STIM1: variants seen among roughly 807,000 people sequenced by gnomAD.
The protein encoded by STIM1 is stromal interaction molecule 1.
A neutral mutation model predicts 74.7 loss-of-function variants in STIM1; 25 were observed. The observed-to-expected ratio is 0.33, with a 90% CI of 0.24 to 0.47. The LOEUF (loss-of-function observed/expected upper bound fraction) is 0.47. Ranked by LOEUF, STIM1 falls within the 20% of genes least tolerant of loss-of-function variation. The probability of loss-of-function intolerance (pLI) is 1.00; values close to 1 mark genes in which losing one functional copy is unlikely to be tolerated. For missense variants in STIM1, 728 were observed against 920.8 expected, an observed-to-expected ratio of 0.79 and a Z score of 2.71; for synonymous variants, 328 against 348.8, an observed-to-expected ratio of 0.94 and a Z score of 0.66.
At chr11:3,938,021 C>T (rs1206013686) in intron 1 of STIM1, among the ~76,000 whole-genome samples, 1 of 151,866 alleles carries the variant, frequency 6.6e-6, no homozygotes, top group East Asian at 1.9e-4. Context: ...GCAACCTCCG[C>T]CTCCTGGGTT....
intron 2 of STIM1, among the ~76,000 whole-genome samples, chr11:4,013,896 A>G (rs960274824): frequency 2.0e-5 from 3 of 150,764 alleles, no homozygotes; most frequent in East Asian, 1.9e-4. Context: ...TTTAGTAGAG[A>G]CAGGGTTTCA....
intron 1 of STIM1, among the ~76,000 whole-genome samples, chr11:3,863,999 C>T (rs972194197): frequency 3.3e-5 from 5 of 151,966 alleles, no homozygotes; most frequent in South Asian, 2.1e-4. Context: ...ATGCATCCCC[C>T]GAGAATAAAG....
At chr11:3,880,576 G>T (rs1485604772) in intron 1 of STIM1, among the ~76,000 whole-genome samples, 4 of 152,216 alleles carry the variant, frequency 2.6e-5, no homozygotes, top group Non-Finnish European at 5.9e-5. Flanking sequence ...AGTTGTTATT[G>T]AGAGATTTTA....
At position 3,951,229 on chromosome 11, in the gene STIM1, G is replaced by A. The variant is rs555724320; in HGVS notation, c.140-16323G>A. On this transcript the variant is annotated intron_variant, in intron 1 of 12. Transcript: ENST00000526596. ...CTGAGAAAGGCATCCTGTAAGGAAG[G>A]GCTGCTCTTCAGCTGCAGGAAGAGA... Among the ~76,000 whole-genome samples the A allele has an allele frequency of 6.8e-4, 104 of 152,254 alleles. 1 individual carries two copies. The highest frequency in any genetic ancestry group is 1.2e-3 in the Non-Finnish European group (79 of 68,008).
intron 12 of STIM1, among the ~76,000 whole-genome samples, chr11:4,089,870 C>T (rs1020753115): frequency 2.4e-4 from 37 of 152,160 alleles, no homozygotes; most frequent in African/African-American, 8.9e-4. Context: ...TTAGGTCTCT[C>T]CTCTGCTTTT....
chr11:3,928,842 T>C (rs1022584730), intron 1 of STIM1, among the ~76,000 whole-genome samples: 1 of 152,102 alleles, frequency 6.6e-6, no homozygotes, highest in African/African-American at 2.4e-5. Context: ...ACCTAACAAC[T>C]TTATGATTCT....
intron 1 of STIM1, among the ~76,000 whole-genome samples, chr11:3,941,431 A>G (rs2093003230): frequency 6.6e-6 from 1 of 152,158 alleles, no homozygotes; most frequent in Non-Finnish European, 1.5e-5. Context: ...ATCACCTAAC[A>G]GTACAAAACA....
chr11:3,966,573 G>C (rs1370385483), intron 1 of STIM1, among the ~76,000 whole-genome samples: 2 of 152,216 alleles, frequency 1.3e-5, no homozygotes, highest in Admixed American at 1.3e-4. Flanking sequence ...GTCATCTGAA[G>C]AGTATTTTGC....
At position 3,856,191 on chromosome 11, in the gene STIM1, C is replaced by G; in HGVS notation, c.-80C>G. The G allele has an allele frequency of 2.5e-6, 4 of 1,591,276 alleles. No homozygotes were observed. Among genetic ancestry groups the G allele is most frequent in the Non-Finnish European group, 3.4e-6 (4 of 1,163,294 alleles). On this transcript the variant is annotated 5_prime_UTR_variant, in exon 1 of 13. Coordinates refer to ENST00000526596, the MANE Select transcript of STIM1 (RefSeq NM_001382567.1). Reference sequence around the variant, plus strand: ...GGGCATCTTGCCTGGAGACCGTCGGCTGCACTCCCGGGCTCCTGGCTTTGC... The same window carrying G: ...GGGCATCTTGCCTGGAGACCGTCGGGTGCACTCCCGGGCTCCTGGCTTTGC...
chr11:3,891,899 T>C (rs913196819), intron 1 of STIM1, among the ~76,000 whole-genome samples: 1 of 152,338 alleles, frequency 6.6e-6, no homozygotes, highest in Non-Finnish European at 1.5e-5. Context: ...AAAACAGCCA[T>C]AGATAATATT....
intron 1 of STIM1, among the ~76,000 whole-genome samples, chr11:3,887,466 CAG>C (rs1337723593): frequency 6.6e-6 from 1 of 152,198 alleles, no homozygotes; most frequent in African/African-American, 2.4e-5. Context: ...ATGTAATAGA[CAG>C]AGATGGATTT....
In STIM1 at chr11:4,083,385, T is replaced by A; in HGVS notation, c.1361T>A (p.Leu454His). Residue 454 changes from leucine (L) to histidine (H), a missense_variant, in exon 10 of 13, where the codon CTC becomes CAC. By Grantham distance (99) the Leu-to-His change is moderately conservative. Around this residue, in one of 5 missense-constraint regions of STIM1, gnomAD observed 352 missense variants for 370.1 expected, o/e 0.95. Coordinates refer to ENST00000526596, the MANE Select transcript of STIM1 (RefSeq NM_001382567.1). The stretch of plus-strand genomic sequence containing the variant: ...GGCATCCACTCACTGGTGGCTGCCC[T>A]CAACATAGACCCCAGCTGGATGGGC... ...NPGIHSLVAA[L>H]NIDPSWMGST... The A allele has an allele frequency of 6.2e-7, 1 of 1,614,210 alleles. No homozygotes were observed.
intron 1 of STIM1, among the ~76,000 whole-genome samples, chr11:3,905,861 G>A (rs921110526): frequency 2.0e-5 from 3 of 152,196 alleles, no homozygotes; most frequent in African/African-American, 7.2e-5. Context: ...CCTTGCAGGG[G>A]GCAGGGTGGG....
intron 2 of STIM1, among the ~76,000 whole-genome samples, chr11:3,978,425 G>C (rs1342710574): frequency 6.6e-6 from 1 of 150,662 alleles, no homozygotes; most frequent in Non-Finnish European, 1.5e-5. Flanking sequence ...TGGGATTACA[G>C]GTGTGAGCCA....
In STIM1 at chr11:4,055,640, C is replaced by G; in HGVS notation, c.497+3C>G. 1 of 1,574,180 alleles carries G rather than the reference C, an allele frequency of 6.4e-7. No homozygotes were observed. Among genetic ancestry groups the G allele is most frequent in the Non-Finnish European group, 8.6e-7 (1 of 1,159,514 alleles). ...CTCAGTGGCCATGCCATGCCAAGGT[C>G]AGGAGGGGACTGGGTTTTTCTCTGT... On this transcript the variant is annotated splice_donor_region_variant and intron_variant, in intron 4 of 12. Transcript: ENST00000526596.
intron 1 of STIM1, among the ~76,000 whole-genome samples, chr11:3,958,516 G>A (rs2093245600): frequency 1.3e-5 from 2 of 152,152 alleles, no homozygotes; most frequent in African/African-American, 2.4e-5. Context: ...TCTAACAGAC[G>A]CAGGAATATC....
chr11:3,889,333 C>T (rs1187741706), intron 1 of STIM1, among the ~76,000 whole-genome samples: 3 of 151,514 alleles, frequency 2.0e-5, no homozygotes, highest in Non-Finnish European at 2.9e-5. Flanking sequence ...CTACTATGTG[C>T]CAAGTACTGT....
intron 1 of STIM1, among the ~76,000 whole-genome samples, chr11:3,959,477 A>G (rs2093260927): frequency 6.6e-6 from 1 of 152,150 alleles, no homozygotes; most frequent in African/African-American, 2.4e-5. Flanking sequence ...TACTGATTTC[A>G]TACTTGACAG....
chr11:3,883,550 A>G (rs2091598278), intron 1 of STIM1, among the ~76,000 whole-genome samples: 1 of 151,950 alleles, frequency 6.6e-6, no homozygotes, highest in Non-Finnish European at 1.5e-5. Context: ...ATGGGGTTTT[A>G]CCATGTTGGT....
Sources: allele counts gnomAD v4.1 joint callset (sites outside exome capture counted in the v4.1 genomes callset), GRCh38; gene constraint gnomAD v4.1.1; regional missense constraint gnomAD v4.1.1; transcripts MANE v1.5; gene names NCBI Gene and HGNC (gene_info 2026-07-23, HGNC 2026-07-21).